The following DLK1 variants were observed in gnomAD, a reference collection of about 807,000 sequenced individuals.
The protein encoded by DLK1 is protein delta homolog 1.
DLK1 carries 9 observed loss-of-function variants against 35.2 expected under a neutral mutation model. That is an observed-to-expected ratio of 0.26 (90% CI 0.15 to 0.45). DLK1 has a LOEUF of 0.45. DLK1 is among the 20% of genes least tolerant of loss of function. The pLI, the probability that DLK1 is intolerant of heterozygous loss-of-function variation, is 1.00. For missense variants in DLK1, 522 were observed against 528.5 expected (o/e 0.99, Z 0.12); for synonymous variants, 231 against 228.4 (o/e 1.01, Z -0.10).
At chr14:100,729,174 CCTGCACACTCCG>C in intron 3 of DLK1, 108 bp downstream of exon 3, 2 of 1,546,246 alleles carry the variant, frequency 1.3e-6, no homozygotes, top group Non-Finnish European at 1.8e-6. Flanking sequence ...CTTCCTCATT[CCTGCACACTCCG>C]TGCCCTGTAT....
chr14:100,727,771 G>A (rs1288312124), intron 1 of DLK1, among the ~76,000 whole-genome samples: 1 of 152,164 alleles, frequency 6.6e-6, no homozygotes, highest in Non-Finnish European at 1.5e-5. Context: ...CTGTTAAAGT[G>A]TCAGAATCTC....
At chr14:100,730,174 T>C (rs1328883951) in intron 3 of DLK1, among the ~76,000 whole-genome samples, 2 of 152,170 alleles carry the variant, frequency 1.3e-5, no homozygotes, top group African/African-American at 4.8e-5. Flanking sequence ...GTGCAAGGTT[T>C]ACCCGCAGCT....
rs147224004 is a variant in DLK1 at position 100,728,998 on chromosome 14, A to G, written c.194A>G (p.His65Arg). The part of the protein sequence containing the change: ...DQCVTSPGCL[H>R]GLCGEPGQCI... Reference sequence around the variant, plus strand: ...TGCGTGACCTCTCCCGGCTGCCTTCACGGACTCTGTGGAGAACCCGGGCAG... The same window carrying G: ...TGCGTGACCTCTCCCGGCTGCCTTCGCGGACTCTGTGGAGAACCCGGGCAG... Residue 65 changes from histidine to arginine, a missense_variant, in exon 3 of 5, where the codon CAC (histidine) becomes CGC (arginine). Transcript: ENST00000341267. 9.0e-4 allele frequency: 1,456 copies of G among 1,613,860 alleles called. No homozygotes were observed. Among genetic ancestry groups the G allele is most frequent in the Non-Finnish European group, 1.2e-3 (1,404 of 1,179,960 alleles).
At chr14:100,731,340 A>G (rs2036504559) in intron 3 of DLK1, among the ~76,000 whole-genome samples, 1 of 152,200 alleles carries the variant, frequency 6.6e-6, no homozygotes, top group South Asian at 2.1e-4. Flanking sequence ...TGGTGGGAAT[A>G]TACCAGTGCT....
chr14:100,732,406 T>G lies in DLK1; in HGVS notation c.404+223T>G, dbSNP rs1325036807. Among the ~76,000 whole-genome samples, 4 of 152,246 alleles carry G rather than the reference T, an allele frequency of 2.6e-5. No homozygotes were observed. In the East Asian group the frequency reaches 7.7e-4, roughly 29 times the overall value. Reference sequence around the variant, plus strand: ...TCCTGAAGGCGATTTCATATTCCCCTGATGTTCTCAAGTCCCGATGCGTGT... The same window carrying G: ...TCCTGAAGGCGATTTCATATTCCCCGGATGTTCTCAAGTCCCGATGCGTGT... On this transcript the variant is annotated intron_variant, in intron 4 of 4. Transcript: ENST00000341267.
chr14:100,732,579 T>C (rs549949115), intron 4 of DLK1, among the ~76,000 whole-genome samples: 153 of 152,296 alleles, frequency 1.0e-3, no homozygotes, highest in African/African-American at 3.5e-3. Context: ...GGGGAACTGG[T>C]GGGCTCTGCA....
intron 2 of DLK1, chr14:100,728,733 C>T (rs2036470277): frequency 2.6e-6 from 2 of 775,698 alleles, no homozygotes; most frequent in East Asian, 2.5e-5. Flanking sequence ...GATCTCGGGG[C>T]CCCTCCAAGT....
chr14:100,735,313 G>A lies in DLK1; in HGVS notation c.*417G>A, dbSNP rs1037718295. The stretch of plus-strand genomic sequence containing the variant: ...GACCACCCACTGTGCAAAGAGCTAC[G>A]ATTGCTTTCGTTCGTTAATTCTCAC... On this transcript the variant is annotated 3_prime_UTR_variant, in exon 5 of 5. Coordinates refer to ENST00000341267, the MANE Select transcript of DLK1 (RefSeq NM_003836.7). 3.7e-5 allele frequency: 6 copies of A among 160,826 alleles called. No homozygotes were observed. Among genetic ancestry groups the A allele is most frequent in the Admixed American group, 3.2e-4 (5 of 15,638 alleles). The allele number at this position is 160,826 out of a possible 1,614,324, so 10.0% of individuals were successfully genotyped here.
At chr14:100,728,902 A>T (rs768182660) in intron 2 of DLK1, 34 bp from the exon 3 acceptor site, 5 of 1,609,410 alleles carry the variant, frequency 3.1e-6, no homozygotes, top group Non-Finnish European at 4.2e-6. Context: ...TGCCCTCTTC[A>T]TATGTCCCCA....
rs1404932126 is a variant in DLK1, at chr14:100,734,172, C to A, written c.428C>A (p.Thr143Asn). The A allele has an allele frequency of 6.2e-7, 1 of 1,611,036 alleles. No individual in the cohort carries two copies. The highest frequency in any genetic ancestry group is 1.7e-5 in the Admixed American group (1 of 59,758). Residue 143 changes from threonine (T) to asparagine (N), a missense_variant, in exon 5 of 5, where the codon ACC (threonine) becomes AAC (asparagine). Thr to Asn is a moderately conservative substitution (Grantham distance 65). Transcript: ENST00000341267. The surrounding 1 kb of genome is among the most constrained non-coding windows in gnomAD (Gnocchi z 7.4). ...AGCTCCCCCTGCCAGCACGGAGGCACCTGCGTGGATGATGAGGGCCGGGCC... is the reference window on the plus strand; with the variant it reads ...AGCTCCCCCTGCCAGCACGGAGGCAACTGCGTGGATGATGAGGGCCGGGCC... Reference protein sequence around the residue: ...INGSPCQHGGTCVDDEGRASH... With the variant: ...INGSPCQHGGNCVDDEGRASH...
rs781062510 is a variant in DLK1 at position 100,732,131 on chromosome 14, G to A, written c.352G>A (p.Gly118Arg). Reference protein sequence around the residue: ...DGLYECSCAPGYSGKDCQKKD... With the variant: ...DGLYECSCAPRYSGKDCQKKD... ...CCTCTATGAATGCTCCTGTGCCCCC[G>A]GGTACTCGGGAAAGGACTGCCAGAA... The change falls in exon 4 of 5, where the codon GGG (glycine) becomes AGG (arginine). Residue 118 changes from glycine (G) to arginine (R), a missense_variant. By Grantham distance (125) the Gly-to-Arg change is moderately radical. Transcript: ENST00000341267. 2.2e-5 allele frequency: 35 copies of A among 1,613,998 alleles called. No individual in the cohort carries two copies. Among genetic ancestry groups the A allele is most frequent in the Admixed American group, 3.3e-5 (2 of 60,006 alleles).
intron 2 of DLK1, chr14:100,728,735 C>T (rs1381752410): frequency 3.8e-6 from 3 of 797,534 alleles, no homozygotes; most frequent in East Asian, 5.0e-5. Flanking sequence ...TCTCGGGGCC[C>T]CTCCAAGTCG....
chr14:100,731,830 C>G (rs556675307), intron 3 of DLK1, among the ~76,000 whole-genome samples: 1 of 152,318 alleles, frequency 6.6e-6, no homozygotes, highest in South Asian at 2.1e-4. Flanking sequence ...GTGGCCACGA[C>G]TTTCTGATCT....
chr14:100,727,676 G>GC (rs1019954229), intron 1 of DLK1, among the ~76,000 whole-genome samples: 43 of 152,072 alleles, frequency 2.8e-4, no homozygotes, highest in African/African-American at 8.4e-4. Context: ...TTCCTGCAGC[G>GC]CCCCCCCACT....
At position 100,734,049 on chromosome 14, in the gene DLK1, C is replaced by T. The variant is rs1224558903; in HGVS notation, c.405-100C>T. ...CCTGATGTGTTTTAAGCACCTGCCC[C>T]TTAGTCAGGCCAGGGACCTTCTGCC... is the stretch of plus-strand genomic sequence containing the variant. On this transcript the variant is annotated intron_variant, in intron 4 of 4. Transcript: ENST00000341267. This position sits in a 1 kb window ranked among gnomAD's most constrained non-coding sequence, Gnocchi z 7.4. 36 of 1,442,136 alleles carry T rather than the reference C, an allele frequency of 2.5e-5. No homozygotes were observed. The highest frequency in any genetic ancestry group is 3.2e-5 in the Non-Finnish European group (35 of 1,085,460). The allele number at this position is 1,442,136 out of a possible 1,614,324, so 89.3% of individuals were successfully genotyped here.
chr14:100,734,804 A>G lies in DLK1; in HGVS notation c.1060A>G (p.Asn354Asp). 6.2e-7 allele frequency: 1 copy of G among 1,613,918 alleles called. No individual in the cohort carries two copies. Among genetic ancestry groups the G allele is most frequent in the South Asian group, 1.1e-5 (1 of 91,074 alleles). ...GAAGAAGAACCTGCTGCTTCAGTAC[A>G]ACAGCGGGGAGGACCTGGCCGTCAA... ...RKKKNLLLQY[N>D]SGEDLAVNII... is the part of the protein sequence containing the mutation. Residue 354 changes from asparagine to aspartate, a missense_variant, in exon 5 of 5, where the codon AAC (asparagine) becomes GAC (aspartate). Physicochemically the swap from Asn to Asp is conservative, Grantham distance 23. Coordinates refer to ENST00000341267, the MANE Select transcript of DLK1 (RefSeq NM_003836.7). This position sits in a 1 kb window ranked among gnomAD's most constrained non-coding sequence, Gnocchi z 7.4.
Position 100,736,269 on chromosome 14 carries a change from G to C in DLK1, c.*1373G>C, listed in dbSNP as rs993582825. Reference sequence around the variant, plus strand: ...GCTTTTCAGCTTTTGGGGTTGGACAGCTAAACAGCCCTTGGGTACCAGATA... The same window carrying C: ...GCTTTTCAGCTTTTGGGGTTGGACACCTAAACAGCCCTTGGGTACCAGATA... On this transcript the variant is annotated 3_prime_UTR_variant, in exon 5 of 5. Transcript: ENST00000341267. 3 of 151,834 alleles carry C rather than the reference G, an allele frequency of 2.0e-5. No individual in the cohort carries two copies. The highest frequency in any genetic ancestry group is 7.3e-5 in the African/African-American group (3 of 41,250). The allele number at this position is 151,834 out of a possible 1,614,324, so 9.4% of individuals were successfully genotyped here.
rs376549539 is a variant in DLK1 at position 100,727,168 on chromosome 14, T to G, written c.67+33T>G. On this transcript the variant is annotated intron_variant, in intron 1 of 4. Transcript: ENST00000341267. ...CCCCGGCGGCCCGGCTCGCGCCCCC[T>G]CTGGGGAAGCCTGCGACTCCCCGCC... 23 of 1,532,360 alleles carry G rather than the reference T, an allele frequency of 1.5e-5. 1 individual carries two copies. In the Middle Eastern group the frequency reaches 5.4e-4, roughly 36 times the overall value. The allele number at this position is 1,532,360 out of a possible 1,614,324, so 94.9% of individuals were successfully genotyped here.
intron 4 of DLK1, among the ~76,000 whole-genome samples, chr14:100,733,643 C>T (rs1276487290): frequency 2.6e-5 from 4 of 152,110 alleles, no homozygotes; most frequent in African/African-American, 2.4e-5. Context: ...CAGCGGGTCC[C>T]GGGATAGAGT....
Sources: gnomAD v4.1 joint callset for allele counts (sites outside exome capture counted in the v4.1 genomes callset) on GRCh38, gnomAD v4.1.1 for gene constraint, Gnocchi (gnomAD v3.1) non-coding constraint, MANE v1.5 for transcripts, NCBI Gene and HGNC (gene_info 2026-07-23, HGNC 2026-07-21) for gene names.